Variants in COBL observed in about 807,000 individuals in gnomAD.
COBL encodes the protein protein cordon-bleu.
COBL carries 51 observed loss-of-function variants against 98.8 expected under a neutral mutation model. The observed-to-expected ratio is 0.52, with a 90% CI of 0.41 to 0.65. COBL has a LOEUF of 0.65. COBL is among the 30% of genes least tolerant of loss of function. COBL has a pLI of 0.00. For missense variants in COBL, 1,617 were observed against 1,617.5 expected, an observed-to-expected ratio of 1.00 and a Z score of 0.01; for synonymous variants, 634 against 651.7, an observed-to-expected ratio of 0.97 and a Z score of 0.41.
intron 1 of COBL, among the ~76,000 whole-genome samples, chr7:51,237,707 C>T (rs754445763): frequency 1.3e-5 from 2 of 152,022 alleles, no homozygotes; most frequent in African/African-American, 2.4e-5. Flanking sequence ...TGTCATGGTC[C>T]GTTAAAAACA....
intron 9 of COBL, among the ~76,000 whole-genome samples, chr7:51,030,220 G>C (rs947101793): frequency 1.3e-5 from 2 of 152,118 alleles, no homozygotes; most frequent in Non-Finnish European, 2.9e-5. Flanking sequence ...TCTCTCTAAG[G>C]CATGATAAAT....
At position 51,283,747 on chromosome 7, in the gene COBL, A is replaced by T. The variant is rs542390694; in HGVS notation, c.41+32846T>A. ...TGATCCGCCTGCCTCGGCCTCCCAGAGTGCTGGGATTATAGTTGTGAGCCA... is the reference window on the plus strand; with the variant it reads ...TGATCCGCCTGCCTCGGCCTCCCAGTGTGCTGGGATTATAGTTGTGAGCCA... On this transcript the variant is annotated intron_variant, in intron 1 of 12. Transcript: ENST00000265136. Among the ~76,000 whole-genome samples the T allele has an allele frequency of 3.0e-3, 456 of 152,230 alleles. 1 individual carries two copies. Among genetic ancestry groups the T allele is most frequent in the Admixed American group, 5.2e-3 (80 of 15,288 alleles).
chr7:51,117,648 C>T (rs529711906), intron 6 of COBL, among the ~76,000 whole-genome samples: 102 of 152,178 alleles, frequency 6.7e-4, no homozygotes, highest in African/African-American at 2.0e-3. Context: ...TACAAGCAGT[C>T]GTAAAATTCT....
At chr7:51,201,253 A>AAAAG (rs1288033746) in intron 2 of COBL, among the ~76,000 whole-genome samples, 3 of 145,896 alleles carry the variant, frequency 2.1e-5, no homozygotes, top group African/African-American at 5.5e-5. Context: ...AAAAAAAAAA[A>AAAAG]AAAGAAAGAA....
intron 1 of COBL, among the ~76,000 whole-genome samples, chr7:51,248,377 A>G (rs1796445782): frequency 6.6e-6 from 1 of 152,192 alleles, no homozygotes; most frequent in Admixed American, 6.5e-5. Context: ...TGTCCCGACC[A>G]TGGGCTTTGC....
chr7:51,312,098 C>T (rs1040318815), intron 1 of COBL, among the ~76,000 whole-genome samples: 4 of 151,592 alleles, frequency 2.6e-5, no homozygotes, highest in East Asian at 1.9e-4. Context: ...CCAAGGCGGG[C>T]GGATCACAAG....
intron 1 of COBL, among the ~76,000 whole-genome samples, chr7:51,224,112 T>C (rs955867797): frequency 1.1e-4 from 17 of 152,162 alleles, no homozygotes; most frequent in Admixed American, 2.6e-4. Flanking sequence ...CCAGGAACAA[T>C]AGGCTACAGC....
intron 1 of COBL, among the ~76,000 whole-genome samples, chr7:51,283,579 G>C (rs1189277601): frequency 2.0e-5 from 3 of 152,072 alleles, no homozygotes; most frequent in Non-Finnish European, 4.4e-5. Context: ...GTGCCTCCTG[G>C]GTTCAAGCAA....
intron 5 of COBL, among the ~76,000 whole-genome samples, chr7:51,155,630 AGTTCCT>A (rs1472787248): frequency 3.4e-5 from 5 of 147,586 alleles, no homozygotes; most frequent in African/African-American, 1.0e-4. Flanking sequence ...AAGACTGCAC[AGTTCCT>A]ATATAGCCCT....
intron 1 of COBL, among the ~76,000 whole-genome samples, chr7:51,300,289 T>C (rs972493156): frequency 6.6e-6 from 1 of 152,092 alleles, no homozygotes; most frequent in Non-Finnish European, 1.5e-5. Context: ...GCCTCCCAAG[T>C]AGCTGAGATT....
Position 51,028,031 on chromosome 7 carries a change from G to T in COBL, c.3065C>A (p.Pro1022His). 6.2e-7 allele frequency: 1 copy of T among 1,606,640 alleles called. No individual in the cohort carries two copies. The highest frequency in any genetic ancestry group is 1.3e-5 in the African/African-American group (1 of 74,948). ...PRRAPDGTDP[P>H]PPHTSDTQAC... ...CTGAGTGTCAGATGTGTGTGGAGGGGGTGGGTCTGTACCATCAGGTGCGCG... is the reference window on the plus strand; with the variant it reads ...CTGAGTGTCAGATGTGTGTGGAGGGTGTGGGTCTGTACCATCAGGTGCGCG... The change falls in exon 10 of 13, where the codon CCC (proline) becomes CAC (histidine). Residue 1022 changes from proline (P) to histidine (H), a missense_variant. This residue lies in a region of COBL where 1,304 missense variants were observed against 1,282.0 expected (regional missense o/e 1.02). Coordinates refer to ENST00000265136, the MANE Select transcript of COBL (RefSeq NM_015198.5).
chr7:51,191,805 C>T (rs946565336), intron 3 of COBL, among the ~76,000 whole-genome samples: 4 of 152,092 alleles, frequency 2.6e-5, no homozygotes, highest in East Asian at 3.9e-4. Flanking sequence ...ATTTTTCTTC[C>T]GCTTTTACTG....
At chr7:51,173,118 C>A (rs1788043711) in intron 5 of COBL, among the ~76,000 whole-genome samples, 1 of 151,934 alleles carries the variant, frequency 6.6e-6, no homozygotes, top group African/African-American at 2.4e-5. Context: ...CAGTAGTGGG[C>A]CTGAAGTGAT....
rs551660778 is a variant in COBL at position 51,299,487 on chromosome 7, A to T, written c.41+17106T>A. 9.8e-5 allele frequency among the ~76,000 whole-genome samples: 15 copies of T among 152,316 alleles called. No individual in the cohort carries two copies. The South Asian group carries it at 2.9e-3, about 29-fold the overall frequency. ...CTGAATGGTTAATAATCCCTAGCAT[A>T]TGAGTCCAGGTTTCAGGGGGACTGA... On this transcript the variant is annotated intron_variant, in intron 1 of 12. Transcript: ENST00000265136.
At chr7:51,236,854 C>A (rs933545701) in intron 1 of COBL, among the ~76,000 whole-genome samples, 3 of 152,196 alleles carry the variant, frequency 2.0e-5, no homozygotes, top group African/African-American at 7.2e-5. Flanking sequence ...CCTAAACCCA[C>A]CTCTGCCCTG....
chr7:51,064,329 T>A (rs2128914685), intron 7 of COBL: 1 of 150,646 alleles, frequency 6.6e-6, no homozygotes, highest in African/African-American at 2.4e-5. Context: ...CAGGCAAAGA[T>A]ATGCTGGATT....
chr7:51,134,960 T>TTTTTTA (rs1562951499), intron 6 of COBL, among the ~76,000 whole-genome samples: 1 of 152,058 alleles, frequency 6.6e-6, no homozygotes, highest in African/African-American at 2.4e-5. Context: ...ACATTCCTTT[T>TTTTTTA]TTTTTTATTT....
At chr7:51,059,333 G>A (rs1349293777) in intron 7 of COBL, among the ~76,000 whole-genome samples, 2 of 152,132 alleles carry the variant, frequency 1.3e-5, no homozygotes, top group Non-Finnish European at 2.9e-5. Context: ...GTTGGCCTAT[G>A]GTAAAACTGC....
intron 1 of COBL, among the ~76,000 whole-genome samples, chr7:51,277,617 T>G (rs996436869): frequency 2.0e-5 from 3 of 151,820 alleles, no homozygotes; most frequent in African/African-American, 7.3e-5. Context: ...CACTAACAAA[T>G]AGCAAGTTGG....
Sources: gnomAD v4.1 joint callset for allele counts (sites outside exome capture counted in the v4.1 genomes callset) on GRCh38, gnomAD v4.1.1 for gene constraint, gnomAD v4.1.1 regional missense constraint, MANE v1.5 for transcripts, NCBI Gene and HGNC (gene_info 2026-07-23, HGNC 2026-07-21) for gene names.